DISP1: variants seen among roughly 807,000 people sequenced by gnomAD.
DISP1 encodes protein dispatched homolog 1.
Under a neutral mutation model 37.3 loss-of-function variants are expected in DISP1, and 30 were observed. The ratio of observed to expected loss-of-function variants is 0.80; its 90% CI spans 0.60 to 1.09. The LOEUF is 1.09. Ranked by LOEUF, DISP1 falls within the 50% of genes least tolerant of loss-of-function variation. The pLI, the probability that DISP1 is intolerant of heterozygous loss-of-function variation, is 0.00. For missense variants in DISP1, 1,598 were observed against 1,879.5 expected (o/e 0.85, Z 2.77); for synonymous variants, 634 against 690.2 (o/e 0.92, Z 1.28).
intron 3 of DISP1, among the ~76,000 whole-genome samples, chr1:222,972,078 A>G (rs977799026): frequency 6.6e-6 from 1 of 152,114 alleles, no homozygotes; most frequent in East Asian, 1.9e-4. Context: ...ATTTTCGATT[A>G]TAGTTTGAGG....
At chr1:222,860,507 A>G (rs974798405) in intron 1 of DISP1, among the ~76,000 whole-genome samples, 3 of 152,230 alleles carry the variant, frequency 2.0e-5, no homozygotes, top group Non-Finnish European at 2.9e-5. Flanking sequence ...CACATCATCT[A>G]TAGTAGAAAG....
chr1:222,833,878 T>G (rs1233962630), intron 1 of DISP1, among the ~76,000 whole-genome samples: 1 of 152,244 alleles, frequency 6.6e-6, no homozygotes, highest in Non-Finnish European at 1.5e-5. Flanking sequence ...GAGGGAATAG[T>G]CATTACTGTT....
At chr1:222,860,187 C>G (rs966139868) in intron 1 of DISP1, among the ~76,000 whole-genome samples, 2 of 152,144 alleles carry the variant, frequency 1.3e-5, no homozygotes, top group Non-Finnish European at 2.9e-5. Context: ...CTCCCAAGTA[C>G]TGGGATTAAG....
At chr1:222,873,476 T>C (rs1669715775) in intron 1 of DISP1, among the ~76,000 whole-genome samples, 1 of 152,220 alleles carries the variant, frequency 6.6e-6, no homozygotes, top group South Asian at 2.1e-4. Flanking sequence ...GGTGCATATA[T>C]ATTTAGGATA....
intron 1 of DISP1, among the ~76,000 whole-genome samples, chr1:222,903,001 C>T (rs1671684057): frequency 6.6e-6 from 1 of 151,888 alleles, no homozygotes; most frequent in Non-Finnish European, 1.5e-5. Flanking sequence ...CACACGCACA[C>T]GTATGTTTGT....
At chr1:222,934,974 C>T in intron 2 of DISP1, among the ~76,000 whole-genome samples, 1 of 152,132 alleles carries the variant, frequency 6.6e-6, no homozygotes, top group East Asian at 1.9e-4. Context: ...GTTATCATTT[C>T]CCTACTTATT....
intron 1 of DISP1, among the ~76,000 whole-genome samples, chr1:222,829,314 C>T (rs1665171715): frequency 6.6e-6 from 1 of 152,084 alleles, no homozygotes; most frequent in Non-Finnish European, 1.5e-5. Context: ...AAAATTAAGG[C>T]TGAAATTACC....
chr1:222,834,437 CA>C (rs1410844804), intron 1 of DISP1, among the ~76,000 whole-genome samples: 3 of 152,046 alleles, frequency 2.0e-5, no homozygotes, highest in Middle Eastern at 3.2e-3. Context: ...AGAACTTAGA[CA>C]GGCAGGAATT....
At chr1:222,922,240 G>GT (rs1216281084) in intron 1 of DISP1, among the ~76,000 whole-genome samples, 1 of 152,036 alleles carries the variant, frequency 6.6e-6, no homozygotes, top group African/African-American at 2.4e-5. Context: ...AGCCATGAGT[G>GT]TTTTTTTGGA....
chr1:222,923,989 T>G (rs2789963), intron 1 of DISP1, among the ~76,000 whole-genome samples: 40,153 of 151,966 alleles, frequency 0.26, 5,570 homozygotes, highest in South Asian at 0.47. Flanking sequence ...TAAGGGTGAA[T>G]ATGTCAGACT....
chr1:222,877,414 T>A (rs1670028087), intron 1 of DISP1, among the ~76,000 whole-genome samples: 1 of 152,126 alleles, frequency 6.6e-6, no homozygotes, highest in African/African-American at 2.4e-5. Context: ...CCATCAGATC[T>A]CATGAGACTT....
In DISP1 at chr1:222,943,235, A is replaced by G. The variant is rs771632180; in HGVS notation, c.412A>G (p.Thr138Ala). ...CPNHSPVYQT[T>A]CCLQPSPSFC... ...AAATCATTCACCTGTGTATCAGACT[A>G]CGTGCTGTCTTCAGCCCTCTCCATC... is the stretch of plus-strand genomic sequence containing the variant. The change falls in exon 3 of 9, where the codon ACG becomes GCG. Residue 138 changes from threonine (T) to alanine (A), a missense_variant. By Grantham distance (58) the Thr-to-Ala change is moderately conservative. Coordinates refer to ENST00000675850, the MANE Select transcript of DISP1 (RefSeq NM_001377229.1). 1.9e-6 allele frequency: 3 copies of G among 1,613,154 alleles called. No homozygotes were observed. Among genetic ancestry groups the G allele is most frequent in the Non-Finnish European group, 2.5e-6 (3 of 1,179,274 alleles).
intron 1 of DISP1, among the ~76,000 whole-genome samples, chr1:222,823,260 C>T (rs150730857): frequency 6.6e-6 from 1 of 152,178 alleles, no homozygotes; most frequent in East Asian, 1.9e-4. Flanking sequence ...TTGACAACAG[C>T]AAAGATACGG....
At chr1:222,944,057 C>A (rs71644720) in intron 3 of DISP1, among the ~76,000 whole-genome samples, 30,343 of 151,778 alleles carry the variant, frequency 0.2, 3,615 homozygotes, top group Non-Finnish European at 0.27. Context: ...ACAACAACAA[C>A]AAAAAAACAC....
intron 1 of DISP1, among the ~76,000 whole-genome samples, chr1:222,907,103 A>G (rs1671942625): frequency 6.6e-6 from 1 of 152,204 alleles, no homozygotes; most frequent in Non-Finnish European, 1.5e-5. Flanking sequence ...ATCGATTTGC[A>G]GAAAAGGAGA....
chr1:222,901,904 T>C (rs1030631184), intron 1 of DISP1, among the ~76,000 whole-genome samples: 2 of 152,222 alleles, frequency 1.3e-5, no homozygotes, highest in African/African-American at 2.4e-5. Flanking sequence ...AAGTGTGAGA[T>C]ATAAGAATCA....
rs552965819 is a variant in DISP1, at chr1:223,005,786, A to G, written c.4389A>G (p.Leu1463=). The stretch of plus-strand genomic sequence containing the variant: ...TCAATCAGAATGAACCAAAAGTCCT[A>G]TTTAATCATTTAATGGGGGAGGCTG... ...EHFNQNEPKV[L]FNHLMGEAGC... Residue 1463 remains leucine (L), a synonymous_variant, in exon 9 of 9, where the codon CTA becomes CTG. Transcript: ENST00000675850. 6.2e-7 allele frequency: 1 copy of G among 1,614,232 alleles called. No homozygotes were observed. The highest frequency in any genetic ancestry group is 1.3e-5 in the African/African-American group (1 of 75,056).
At chr1:222,977,845 T>C (rs1677503160) in intron 3 of DISP1, among the ~76,000 whole-genome samples, 1 of 152,240 alleles carries the variant, frequency 6.6e-6, no homozygotes, top group Non-Finnish European at 1.5e-5. Context: ...TTCATCCATG[T>C]TCCTACAAAG....
At chr1:222,953,315 T>C (rs1003053864) in intron 3 of DISP1, among the ~76,000 whole-genome samples, 1 of 152,226 alleles carries the variant, frequency 6.6e-6, no homozygotes, top group African/African-American at 2.4e-5. Context: ...AGTTTTGTTG[T>C]TGTTTTTGTT....
Sources: gnomAD v4.1 joint callset for allele counts (sites outside exome capture counted in the v4.1 genomes callset) on GRCh38, gnomAD v4.1.1 for gene constraint, MANE v1.5 for transcripts, NCBI Gene and HGNC (gene_info 2026-07-23, HGNC 2026-07-21) for gene names.